The following KALRN variants were observed in gnomAD, a reference collection of about 807,000 sequenced individuals.
The protein encoded by KALRN is kalirin.
A neutral mutation model predicts 353.7 loss-of-function variants in KALRN; 70 were observed. That is an observed-to-expected ratio of 0.20 (90% CI 0.16 to 0.24). The LOEUF (loss-of-function observed/expected upper bound fraction) is 0.24. Among genes scored for constraint, KALRN ranks in the 10% least tolerant of loss-of-function variants. The pLI is 1.00. For synonymous variants in KALRN, 1,391 were observed against 1,434.8 expected (o/e 0.97, Z 0.69); for missense variants, 2,791 against 3,756.7 (o/e 0.74, Z 6.72).
intron 44 of KALRN, 137 bp downstream of exon 44, chr3:124,661,110 G>T: frequency 1.5e-6 from 1 of 689,272 alleles, no homozygotes; most frequent in Admixed American, 2.3e-5. Flanking sequence ...CTTGTAAACA[G>T]CTTTGTACCT....
intron 34 of KALRN, among the ~76,000 whole-genome samples, chr3:124,573,811 T>C (rs968139702): frequency 6.6e-6 from 1 of 152,242 alleles, no homozygotes; most frequent in African/African-American, 2.4e-5. Context: ...AAATAATGGC[T>C]TAATCCTCTC....
chr3:124,433,596 T>TAAAAAAAAAAAAA (rs144487793), intron 16 of KALRN, among the ~76,000 whole-genome samples: 2 of 95,138 alleles, frequency 2.1e-5, no homozygotes, highest in African/African-American at 4.0e-5. Context: ...AGACCCTGTC[T>TAAAAAAAAAAAAA]AAAAAAAAAA....
chr3:124,474,096 C>G (rs1319026907), intron 25 of KALRN, among the ~76,000 whole-genome samples: 2 of 152,096 alleles, frequency 1.3e-5, no homozygotes. Context: ...TAATTCAATT[C>G]AGCTTTGGAA....
rs545060275 is a variant in KALRN at position 124,213,991 on chromosome 3, A to G, written c.74-13999A>G. Among the ~76,000 whole-genome samples, 3 of 152,368 alleles carry G rather than the reference A, an allele frequency of 2.0e-5. No homozygotes were observed. The South Asian group carries it at 6.2e-4, about 32-fold the overall frequency. On this transcript the variant is annotated intron_variant, in intron 1 of 59. Transcript: ENST00000682506. ...TGTATGAATATTTTACAGATATTCT[A>G]TATATGAAGGATCAATATACAAAAG...
At chr3:124,049,970 A>G (rs2040871381) in intron 1 of KALRN, among the ~76,000 whole-genome samples, 1 of 152,042 alleles carries the variant, frequency 6.6e-6, no homozygotes, top group Non-Finnish European at 1.5e-5. Flanking sequence ...TGACTATTTC[A>G]TTTAGGTAAA....
At chr3:124,597,604 C>T (rs2149418971) in intron 34 of KALRN, among the ~76,000 whole-genome samples, 1 of 152,274 alleles carries the variant, frequency 6.6e-6, no homozygotes, top group East Asian at 1.9e-4. Context: ...GTTAGAGCTG[C>T]TTTCTAAAGC....
chr3:124,705,128 G>C (rs1257934968), intron 57 of KALRN, among the ~76,000 whole-genome samples: 1 of 152,128 alleles, frequency 6.6e-6, no homozygotes, highest in South Asian at 2.1e-4. Flanking sequence ...GAGAAGGCAG[G>C]GGATTGTCAC....
intron 1 of KALRN, among the ~76,000 whole-genome samples, chr3:124,199,621 T>G (rs1475306031): frequency 6.6e-6 from 1 of 152,244 alleles, no homozygotes; most frequent in Non-Finnish European, 1.5e-5. Flanking sequence ...GATGCAATCC[T>G]TTTTTCTTAA....
chr3:124,145,049 G>A (rs1264208041), intron 1 of KALRN, among the ~76,000 whole-genome samples: 1 of 152,122 alleles, frequency 6.6e-6, no homozygotes, highest in Non-Finnish European at 1.5e-5. Flanking sequence ...CAGTGTTTGA[G>A]GGGAGGAGCA....
intron 6 of KALRN, among the ~76,000 whole-genome samples, chr3:124,300,779 C>G (rs962875912): frequency 6.6e-6 from 1 of 152,182 alleles, no homozygotes; most frequent in Non-Finnish European, 1.5e-5. Context: ...GTTATGAGAC[C>G]AGGCAGGGAA....
intron 10 of KALRN, among the ~76,000 whole-genome samples, chr3:124,366,734 G>C (rs967748961): frequency 6.6e-6 from 1 of 152,136 alleles, no homozygotes; most frequent in Non-Finnish European, 1.5e-5. Context: ...CCTCCCAGAC[G>C]GGGTGGTGGC....
At chr3:124,259,552 G>A (rs574326904) in intron 3 of KALRN, among the ~76,000 whole-genome samples, 2 of 152,266 alleles carry the variant, frequency 1.3e-5, no homozygotes, top group South Asian at 2.1e-4. Flanking sequence ...GGGAACTGAG[G>A]CACAGAGGGG....
At chr3:124,317,569 A>G (rs190285689) in intron 6 of KALRN, among the ~76,000 whole-genome samples, 1 of 152,256 alleles carries the variant, frequency 6.6e-6, no homozygotes, top group African/African-American at 2.4e-5. Context: ...CTCAAACATT[A>G]ATGTGCATAC....
intron 10 of KALRN, among the ~76,000 whole-genome samples, chr3:124,359,270 T>C (rs1327165151): frequency 6.6e-6 from 1 of 152,232 alleles, no homozygotes; most frequent in Non-Finnish European, 1.5e-5. Context: ...CTCTGCTCTT[T>C]GCTGAAGCTT....
intron 14 of KALRN, among the ~76,000 whole-genome samples, chr3:124,421,299 AG>A (rs1167483898): frequency 4.6e-5 from 7 of 152,242 alleles, no homozygotes; most frequent in Non-Finnish European, 7.3e-5. Flanking sequence ...ACTTGCAACA[AG>A]TCGGAGACAG....
chr3:124,245,361 A>G (rs2080995873), intron 3 of KALRN, among the ~76,000 whole-genome samples: 1 of 152,152 alleles, frequency 6.6e-6, no homozygotes, highest in Non-Finnish European at 1.5e-5. Flanking sequence ...GTGTATTTAT[A>G]TCACATTTTC....
chr3:124,110,811 C>T (rs1430884782), intron 1 of KALRN, among the ~76,000 whole-genome samples: 1 of 152,124 alleles, frequency 6.6e-6, no homozygotes, highest in Non-Finnish European at 1.5e-5. Flanking sequence ...TGAAGCTTCC[C>T]CTCTGAGAGG....
intron 9 of KALRN, among the ~76,000 whole-genome samples, chr3:124,340,056 G>A (rs2081529846): frequency 6.6e-6 from 1 of 152,106 alleles, no homozygotes; most frequent in Non-Finnish European, 1.5e-5. Context: ...CAAATACTCT[G>A]AGAAGAACAC....
chr3:124,102,947 G>A (rs564334788), intron 1 of KALRN, among the ~76,000 whole-genome samples: 20 of 152,222 alleles, frequency 1.3e-4, no homozygotes, highest in South Asian at 1.2e-3. Flanking sequence ...ATCACTTCCC[G>A]TTTCACAGAT....
Sources: allele counts gnomAD v4.1 joint callset (sites outside exome capture counted in the v4.1 genomes callset), GRCh38; gene constraint gnomAD v4.1.1; transcripts MANE v1.5; gene names NCBI Gene and HGNC (gene_info 2026-07-23, HGNC 2026-07-21).